PTPRG: variants seen among roughly 807,000 people sequenced by gnomAD.
The protein encoded by PTPRG is protein tyrosine phosphatase receptor type G, also known as receptor-type tyrosine-protein phosphatase gamma.
A neutral mutation model predicts 165.3 loss-of-function variants in PTPRG; 102 were observed. The ratio of observed to expected loss-of-function variants is 0.62; its 90% CI spans 0.53 to 0.73. The LOEUF is 0.73. Among genes scored for constraint, PTPRG ranks in the 30% least tolerant of loss-of-function variants. PTPRG has a pLI of 0.00. For synonymous variants in PTPRG, 675 were observed against 669.5 expected (o/e 1.01, Z -0.13); for missense variants, 1,866 against 1,861.4 (o/e 1.00, Z -0.05).
At chr3:62,172,396 T>G (rs144609454) in intron 8 of PTPRG, among the ~76,000 whole-genome samples, 40 of 152,318 alleles carry the variant, frequency 2.6e-4, no homozygotes, top group African/African-American at 9.6e-4. Context: ...TTTCTCCATA[T>G]CCTCACCAAC....
chr3:62,042,570 T>C (rs1347960363), intron 4 of PTPRG, among the ~76,000 whole-genome samples: 1 of 152,166 alleles, frequency 6.6e-6, no homozygotes, highest in African/African-American at 2.4e-5. Context: ...CCACCCTGCA[T>C]GACCATTTGA....
intron 2 of PTPRG, chr3:61,749,903 G>A (rs1575632070): frequency 6.6e-6 from 1 of 152,054 alleles, no homozygotes; most frequent in East Asian, 1.9e-4. Context: ...TCATAATGAT[G>A]CTCGGGTTTA....
At position 62,003,392 on chromosome 3, in the gene PTPRG, T is replaced by C; in HGVS notation, c.414T>C (p.Gly138=). 6.2e-7 allele frequency: 1 copy of C among 1,614,070 alleles called. No individual in the cohort carries two copies. The highest frequency in any genetic ancestry group is 8.5e-7 in the Non-Finnish European group (1 of 1,179,936). The change falls in exon 4 of 30, where the codon GGT becomes GGC. Residue 138 remains glycine, a synonymous_variant. Coordinates refer to ENST00000474889, the MANE Select transcript of PTPRG (RefSeq NM_002841.4). ...ACGACTATTTTGTCAGTGGAGCTGG[T>C]CTACCTGGCAGATTCAAAGCTGAGA... ...LKDDYFVSGA[G]LPGRFKAEKV...
At chr3:62,268,986 A>C in intron 19 of PTPRG, 49 bp from the exon 20 acceptor site, 3 of 1,491,086 alleles carry the variant, frequency 2.0e-6, no homozygotes, top group Non-Finnish European at 2.7e-6. Context: ...TATCAACAGA[A>C]TTGTGGCATA....
chr3:61,808,174 G>A (rs543950593), intron 2 of PTPRG, among the ~76,000 whole-genome samples: 1 of 152,282 alleles, frequency 6.6e-6, no homozygotes, highest in East Asian at 1.9e-4. Context: ...ATTTGAAGGA[G>A]ACCTAAGAAT....
chr3:61,916,509 A>T (rs1184534734), intron 2 of PTPRG, among the ~76,000 whole-genome samples: 1 of 152,178 alleles, frequency 6.6e-6, no homozygotes, highest in Non-Finnish European at 1.5e-5. Context: ...AAAAAATCTC[A>T]CTGTCAAATT....
At chr3:61,743,986 C>T (rs2033101485) in intron 1 of PTPRG, among the ~76,000 whole-genome samples, 1 of 152,296 alleles carries the variant, frequency 6.6e-6, no homozygotes. Flanking sequence ...TAGCATGATT[C>T]ATAGCCATAC....
At chr3:61,816,068 T>C (rs1478148290) in intron 2 of PTPRG, among the ~76,000 whole-genome samples, 3 of 152,350 alleles carry the variant, frequency 2.0e-5, no homozygotes, top group South Asian at 4.1e-4. Flanking sequence ...AAGTTTGTTA[T>C]GAAATCTGTA....
At chr3:62,008,722 C>G (rs2041352121) in intron 4 of PTPRG, among the ~76,000 whole-genome samples, 1 of 152,202 alleles carries the variant, frequency 6.6e-6, no homozygotes, top group Non-Finnish European at 1.5e-5. Flanking sequence ...TGTTCCACCT[C>G]AGATCATCAG....
rs375001274 is a variant in PTPRG, at chr3:61,892,588, G to A, written c.191-97037G>A. ...TTCCAGCACTTTGGGAGGGAGAGGC[G>A]GGTGGATCACCTGAGGTCAGGAGTT... On this transcript the variant is annotated intron_variant, in intron 2 of 29. Transcript: ENST00000474889. Among the ~76,000 whole-genome samples the A allele has an allele frequency of 1.8e-3, 280 of 152,156 alleles. 2 individuals are homozygous for A. Among genetic ancestry groups the A allele is most frequent in the Middle Eastern group, 0.01 (3 of 294 alleles).
At chr3:61,627,182 C>CA (rs1701636130) in intron 1 of PTPRG, among the ~76,000 whole-genome samples, 1 of 151,470 alleles carries the variant, frequency 6.6e-6, no homozygotes, top group South Asian at 2.1e-4. Flanking sequence ...TAAGTACAGG[C>CA]AAAATAGTAG....
At chr3:62,288,565 C>T (rs879257264) in intron 28 of PTPRG, among the ~76,000 whole-genome samples, 3 of 151,370 alleles carry the variant, frequency 2.0e-5, no homozygotes, top group Admixed American at 1.3e-4. Context: ...CCCAGCTACT[C>T]GGGAGGCTGA....
At chr3:61,622,599 T>C (rs928755826) in intron 1 of PTPRG, among the ~76,000 whole-genome samples, 1 of 152,198 alleles carries the variant, frequency 6.6e-6, no homozygotes, top group Non-Finnish European at 1.5e-5. Context: ...TAAATTACTT[T>C]CCTCTTGCAA....
chr3:61,655,077 G>A (rs966370138), intron 1 of PTPRG, among the ~76,000 whole-genome samples: 1 of 152,070 alleles, frequency 6.6e-6, no homozygotes. Flanking sequence ...GTGAGCCACC[G>A]CACCCGGCCA....
At chr3:61,753,892 G>A (rs148928645) in intron 2 of PTPRG, among the ~76,000 whole-genome samples, 74 of 152,126 alleles carry the variant, frequency 4.9e-4, no homozygotes, top group African/African-American at 1.7e-3. Flanking sequence ...CACCACACCC[G>A]GCCAGAGGCA....
In PTPRG at chr3:61,771,949, A is replaced by G. The variant is rs1334350197; in HGVS notation, c.190+22967A>G. Among the ~76,000 whole-genome samples the G allele has an allele frequency of 2.0e-5, 3 of 150,732 alleles. No homozygotes were observed. The East Asian group carries it at 5.9e-4, about 30-fold the overall frequency. On this transcript the variant is annotated intron_variant, in intron 2 of 29. Transcript: ENST00000474889. ...GTGGTAGGCGCATGTAATCCCAGCTACTCAGGAGGCTGAGGCAGGAGAATC... is the reference window on the plus strand; with the variant it reads ...GTGGTAGGCGCATGTAATCCCAGCTGCTCAGGAGGCTGAGGCAGGAGAATC...
intron 8 of PTPRG, among the ~76,000 whole-genome samples, chr3:62,189,744 A>G (rs987533219): frequency 6.6e-6 from 1 of 152,124 alleles, no homozygotes; most frequent in Admixed American, 6.5e-5. Context: ...GCTGAAGTTC[A>G]GGGGATCTTT....
chr3:62,191,790 T>C, intron 9 of PTPRG, 137 bp downstream of exon 9: 1 of 927,990 alleles, frequency 1.1e-6, no homozygotes, highest in Admixed American at 2.7e-5. Flanking sequence ...GGCACTGCCA[T>C]TGCTGCGCTG....
intron 5 of PTPRG, among the ~76,000 whole-genome samples, chr3:62,113,278 C>T (rs879874496): frequency 2.0e-5 from 3 of 152,140 alleles, no homozygotes; most frequent in Admixed American, 2.0e-4. Context: ...AGGAGTCCAG[C>T]TGTGGTTTGA....
Sources: allele counts gnomAD v4.1 joint callset (sites outside exome capture counted in the v4.1 genomes callset), GRCh38; gene constraint gnomAD v4.1.1; transcripts MANE v1.5; gene names NCBI Gene and HGNC (gene_info 2026-07-23, HGNC 2026-07-21).